Variants in LUZP2 observed in about 807,000 individuals in gnomAD.
The protein encoded by LUZP2 is leucine zipper protein 2.
LUZP2 carries 52 observed loss-of-function variants against 51.6 expected under a neutral mutation model. The ratio of observed to expected loss-of-function variants is 1.01; its 90% CI spans 0.81 to 1.27. The LOEUF (loss-of-function observed/expected upper bound fraction) is 1.27, where lower values mean the gene tolerates loss of function less well. Among genes scored for constraint, LUZP2 ranks in the 50% most tolerant of loss-of-function variants. The pLI, the probability that LUZP2 is intolerant of heterozygous loss-of-function variation, is 0.00. For missense variants in LUZP2, 436 were observed against 395.4 expected (o/e 1.10, Z -0.87); for synonymous variants, 154 against 137.3 (o/e 1.12, Z -0.85).
chr11:24,747,465 T>G (rs1205894569), intron 4 of LUZP2, among the ~76,000 whole-genome samples: 3 of 152,168 alleles, frequency 2.0e-5, no homozygotes, highest in East Asian at 3.9e-4. Context: ...TGGGGGTGAA[T>G]GCACTCTGTG....
Position 24,906,002 on chromosome 11 carries a change from G to T in LUZP2, c.408G>T (p.Leu136Phe), listed in dbSNP as rs201285320. 6.2e-7 allele frequency: 1 copy of T among 1,612,408 alleles called. No individual in the cohort carries two copies. Among genetic ancestry groups the T allele is most frequent in the East Asian group, 2.2e-5 (1 of 44,712 alleles). ...IRDLQNENKS[L>F]KNKLLSGNKL... ...GTTTTCTTCCTCAGAATAAAAGCTT[G>T]AAAAACAAACTCTTGTCAGGAAACA... The change falls in exon 6 of 12, where the codon TTG (leucine) becomes TTT (phenylalanine). Residue 136 changes from leucine to phenylalanine, a missense_variant. Coordinates refer to ENST00000336930, the MANE Select transcript of LUZP2 (RefSeq NM_001009909.4).
chr11:24,667,692 A>T (rs1366687272), intron 1 of LUZP2, among the ~76,000 whole-genome samples: 2 of 152,154 alleles, frequency 1.3e-5, no homozygotes, highest in East Asian at 3.9e-4. Context: ...GACATGAGCA[A>T]ATATAGCAAG....
intron 5 of LUZP2, among the ~76,000 whole-genome samples, chr11:24,867,427 T>A (rs373294575): frequency 1.3e-5 from 2 of 152,270 alleles, no homozygotes; most frequent in Admixed American, 6.5e-5. Context: ...CTCTCCCTTC[T>A]CTTTCTTCCA....
intron 4 of LUZP2, among the ~76,000 whole-genome samples, chr11:24,751,251 C>G (rs1454693437): frequency 1.3e-5 from 2 of 151,998 alleles, no homozygotes; most frequent in African/African-American, 4.8e-5. Flanking sequence ...AAAAACCCAA[C>G]AAACGAAATA....
At chr11:24,634,632 CAAA>C (rs5790423) in intron 1 of LUZP2, among the ~76,000 whole-genome samples, 2,162 of 141,058 alleles carry the variant, frequency 0.015, 46 homozygotes, top group African/African-American at 0.051. Flanking sequence ...TTTATAACTT[CAAA>C]AAAAAAAAAA....
intron 9 of LUZP2, among the ~76,000 whole-genome samples, chr11:24,994,338 T>C (rs147892728): frequency 6.6e-6 from 1 of 152,318 alleles, no homozygotes; most frequent in Admixed American, 6.5e-5. Context: ...GTGATCAAAC[T>C]TCATTTGTCT....
chr11:24,746,557 C>G (rs191853218), intron 4 of LUZP2, among the ~76,000 whole-genome samples: 105 of 152,244 alleles, frequency 6.9e-4, no homozygotes, highest in African/African-American at 2.5e-3. Flanking sequence ...TGATGAATTT[C>G]CCTGTGTTCT....
Position 24,602,040 on chromosome 11 carries a change from C to CTGTATATATG in LUZP2, c.62+104755_62+104764dup, listed in dbSNP as rs1218371038. On this transcript the variant is annotated intron_variant, in intron 1 of 11. Transcript: ENST00000336930. ...TGTATATATGTGTATATATGTATAT[C>CTGTATATATG]TGTATATATGTGTATATATGTGTAT... Among the ~76,000 whole-genome samples the CTGTATATATG allele has an allele frequency of 4.1e-3, 378 of 91,496 alleles. 5 individuals are homozygous for CTGTATATATG. The highest frequency in any genetic ancestry group is 0.014 in the African/African-American group (355 of 25,472). 60.0% of individuals were successfully genotyped at this position (91,496 alleles called of 152,430 possible). A position where few individuals can be genotyped will look rare whatever the true frequency, so the allele number is the denominator to read the frequency against.
chr11:24,852,242 T>C (rs1851419612), intron 5 of LUZP2, among the ~76,000 whole-genome samples: 1 of 152,220 alleles, frequency 6.6e-6, no homozygotes. Flanking sequence ...TGTGGGCATT[T>C]AGTGATATAA....
intron 1 of LUZP2, among the ~76,000 whole-genome samples, chr11:24,678,931 A>G (rs1396896873): frequency 2.0e-5 from 3 of 152,254 alleles, no homozygotes; most frequent in Non-Finnish European, 2.9e-5. Flanking sequence ...CCAAGCCTGC[A>G]CCGCAAGAGA....
intron 5 of LUZP2, among the ~76,000 whole-genome samples, chr11:24,769,786 C>CTTTTTTTTT (rs1554988302): frequency 2.7e-5 from 4 of 146,954 alleles, no homozygotes; most frequent in African/African-American, 1.1e-4. Flanking sequence ...ACTAAATTCT[C>CTTTTTTTTT]TTTTTTGTTT....
intron 1 of LUZP2, among the ~76,000 whole-genome samples, chr11:24,616,836 A>T (rs962717164): frequency 6.6e-6 from 1 of 152,092 alleles, no homozygotes; most frequent in Non-Finnish European, 1.5e-5. Flanking sequence ...TGTTCCTAAG[A>T]TTTTGATAGG....
intron 1 of LUZP2, among the ~76,000 whole-genome samples, chr11:24,610,494 C>T (rs1323682967): frequency 6.6e-6 from 1 of 152,108 alleles, no homozygotes; most frequent in South Asian, 2.1e-4. Context: ...ATTGAATGAA[C>T]AAGTGAGTGA....
At chr11:25,069,737 G>A (rs1453054171) in intron 10 of LUZP2, among the ~76,000 whole-genome samples, 1 of 151,532 alleles carries the variant, frequency 6.6e-6, no homozygotes, top group Admixed American at 6.6e-5. Flanking sequence ...CATATAGCTG[G>A]CAAACAATTA....
intron 5 of LUZP2, among the ~76,000 whole-genome samples, chr11:24,777,926 T>G (rs1035062602): frequency 6.6e-6 from 1 of 151,940 alleles, no homozygotes; most frequent in African/African-American, 2.4e-5. Context: ...AAAAAGTCTT[T>G]TTTTAATATT....
intron 1 of LUZP2, among the ~76,000 whole-genome samples, chr11:24,691,502 TG>T (rs1385623197): frequency 6.7e-6 from 1 of 149,564 alleles, no homozygotes; most frequent in African/African-American, 2.4e-5. Context: ...AAGTAACCCC[TG>T]TATTTCAAGA....
intron 10 of LUZP2, among the ~76,000 whole-genome samples, chr11:25,052,149 T>G (rs1316629470): frequency 6.6e-6 from 1 of 152,170 alleles, no homozygotes; most frequent in Non-Finnish European, 1.5e-5. Flanking sequence ...AAGCTACACC[T>G]TTTAGTACAT....
chr11:24,571,510 C>T (rs1293838707), intron 1 of LUZP2, among the ~76,000 whole-genome samples: 5 of 151,918 alleles, frequency 3.3e-5, no homozygotes, highest in Non-Finnish European at 5.9e-5. Context: ...TTAGTGGATG[C>T]CTTGAAGGTT....
At chr11:24,660,998 A>G (rs1292698810) in intron 1 of LUZP2, among the ~76,000 whole-genome samples, 3 of 152,148 alleles carry the variant, frequency 2.0e-5, no homozygotes, top group African/African-American at 7.2e-5. Context: ...CATGGAAGAG[A>G]GCCGTACATT....
Sources: gnomAD v4.1 joint callset for allele counts (sites outside exome capture counted in the v4.1 genomes callset) on GRCh38, gnomAD v4.1.1 for gene constraint, MANE v1.5 for transcripts, NCBI Gene and HGNC (gene_info 2026-07-23, HGNC 2026-07-21) for gene names.